Variants in RAI1 observed in about 807,000 individuals in gnomAD.
RAI1 encodes retinoic acid induced 1, also known as retinoic acid-induced protein 1.
A neutral mutation model predicts 123.8 loss-of-function variants in RAI1; 9 were observed. The observed-to-expected ratio is 0.07, with a 90% confidence interval of 0.04 to 0.13. The LOEUF is 0.13. Ranked by LOEUF, RAI1 falls within the 10% of genes least tolerant of loss-of-function variation. The pLI is 1.00. For synonymous variants in RAI1, 1,231 were observed against 1,127.3 expected (o/e 1.09, Z -1.84); for missense variants, 2,256 against 2,545.8 (o/e 0.89, Z 2.45).
At chr17:17,769,144 C>A (rs1011498749) in intron 2 of RAI1, among the ~76,000 whole-genome samples, 3 of 152,262 alleles carry the variant, frequency 2.0e-5, no homozygotes, top group African/African-American at 4.8e-5. Flanking sequence ...GAAATGATTT[C>A]TTGGCTCATG....
At position 17,798,118 on chromosome 17, in the gene RAI1, C is replaced by T. The variant is rs373198856; in HGVS notation, c.5170C>T (p.Arg1724Trp). Reference sequence around the variant, plus strand: ...GAAGCCAAAACTCAAGGAGAAGGTGCGGCCAGAAGGCACCTGTGAGGAGGC... The same window carrying T: ...GAAGCCAAAACTCAAGGAGAAGGTGTGGCCAGAAGGCACCTGTGAGGAGGC... ...KKKPKLKEKV[R>W]PEGTCEEASL... The change falls in exon 3 of 6, where the codon CGG becomes TGG. Residue 1724 changes from arginine (R) to tryptophan (W), a missense_variant. Around this residue, in one of 7 missense-constraint regions of RAI1, gnomAD observed 243 missense variants for 316.6 expected, o/e 0.77. Transcript: ENST00000353383. 65 of 1,613,752 alleles carry T rather than the reference C, an allele frequency of 4.0e-5. No homozygotes were observed. The highest frequency in any genetic ancestry group is 6.7e-5 in the Admixed American group (4 of 60,008).
rs201806644 is a variant in RAI1 at position 17,794,402 on chromosome 17, G to A, written c.1454G>A (p.Gly485Glu). The A allele has an allele frequency of 6.8e-6, 11 of 1,612,976 alleles. No homozygotes were observed. The highest frequency in any genetic ancestry group is 1.6e-4 in the Middle Eastern group (1 of 6,084). The change falls in exon 3 of 6, where the codon GGG (glycine) becomes GAG (glutamate). Residue 485 changes from glycine to glutamate, a missense_variant. Around this residue, in one of 7 missense-constraint regions of RAI1, gnomAD observed 357 missense variants for 480.2 expected, o/e 0.74. Coordinates refer to ENST00000353383, the MANE Select transcript of RAI1 (RefSeq NM_030665.4). ...QHKSQHCSPE[G>E]SGYSAEPAGT... Reference sequence around the variant, plus strand: ...AAAAGCCAGCACTGCAGCCCCGAAGGGAGCGGCTACTCAGCCGAGCCCGCA... The same window carrying A: ...AAAAGCCAGCACTGCAGCCCCGAAGAGAGCGGCTACTCAGCCGAGCCCGCA...
intron 2 of RAI1, among the ~76,000 whole-genome samples, chr17:17,738,342 G>A (rs1009541904): frequency 3.3e-5 from 5 of 150,942 alleles, no homozygotes; most frequent in African/African-American, 9.8e-5. Flanking sequence ...CGGGCTGGCT[G>A]GCGGCAGGCC....
At chr17:17,733,989 A>G (rs1352229019) in intron 2 of RAI1, among the ~76,000 whole-genome samples, 1 of 152,102 alleles carries the variant, frequency 6.6e-6, no homozygotes, top group Non-Finnish European at 1.5e-5. Context: ...TTCGTCTTCC[A>G]CTGCTTGGTT....
At chr17:17,710,531 C>A (rs189382253) in intron 1 of RAI1, among the ~76,000 whole-genome samples, 3 of 152,214 alleles carry the variant, frequency 2.0e-5, no homozygotes, top group Non-Finnish European at 4.4e-5. Flanking sequence ...GGTGGCCTTT[C>A]GGCTGTTGCT....
At chr17:17,693,821 C>T (rs930544282) in intron 1 of RAI1, among the ~76,000 whole-genome samples, 1 of 152,228 alleles carries the variant, frequency 6.6e-6, no homozygotes, top group African/African-American at 2.4e-5. Context: ...GGCCATTGCT[C>T]TGGGCCAGAG....
At chr17:17,803,659 T>C in intron 3 of RAI1, 97 bp from the exon 4 acceptor site, 2 of 1,154,498 alleles carry the variant, frequency 1.7e-6, no homozygotes, top group Non-Finnish European at 2.6e-6. Flanking sequence ...GTGCTGGGAT[T>C]ACAGGCATGA....
intron 1 of RAI1, among the ~76,000 whole-genome samples, chr17:17,711,008 G>C (rs750104856): frequency 1.3e-4 from 20 of 152,320 alleles, no homozygotes; most frequent in Admixed American, 3.9e-4. Flanking sequence ...CCCCTCCCCT[G>C]CTCCCTTCTC....
At chr17:17,709,932 AGATG>A (rs2142903090) in intron 1 of RAI1, among the ~76,000 whole-genome samples, 1 of 152,318 alleles carries the variant, frequency 6.6e-6, no homozygotes, top group Admixed American at 6.5e-5. Context: ...GCACATTCCT[AGATG>A]CTAGCCCTGT....
chr17:17,750,689 C>CAAAAAAAAAAAAAAA (rs57637022), intron 2 of RAI1, among the ~76,000 whole-genome samples: 3 of 79,776 alleles, frequency 3.8e-5, no homozygotes, highest in African/African-American at 1.1e-4. Context: ...TACTCCGTCT[C>CAAAAAAAAAAAAAAA]AAAAAAAAAA....
chr17:17,713,096 C>G (rs1915613826), intron 1 of RAI1, among the ~76,000 whole-genome samples: 1 of 152,022 alleles, frequency 6.6e-6, no homozygotes, highest in South Asian at 2.1e-4. Context: ...CATGAATATA[C>G]CAAAACCCTG....
intron 2 of RAI1, among the ~76,000 whole-genome samples, chr17:17,728,131 G>T (rs1916153881): frequency 1.3e-5 from 2 of 152,040 alleles, no homozygotes; most frequent in African/African-American, 4.8e-5. Flanking sequence ...GGGGAAGGGA[G>T]GGTGCCCCCG....
chr17:17,690,113 C>T (rs1914786424), intron 1 of RAI1, among the ~76,000 whole-genome samples: 3 of 152,116 alleles, frequency 2.0e-5, no homozygotes, highest in Admixed American at 1.3e-4. Context: ...AGCCGGGCAC[C>T]GTGGCTCACG....
In RAI1 at chr17:17,724,016, G is replaced by C. The variant is rs1336439134; in HGVS notation, c.-148-12G>C. 3.6e-5 allele frequency: 5 copies of C among 140,268 alleles called. No individual in the cohort carries two copies. The highest frequency in any genetic ancestry group is 7.7e-5 in the Non-Finnish European group (5 of 64,588). 8.7% of individuals were successfully genotyped at this position (140,268 alleles called of 1,614,324 possible). A position where few individuals can be genotyped will look rare whatever the true frequency, so the allele number is the denominator to read the frequency against. On this transcript the variant is annotated splice_polypyrimidine_tract_variant and intron_variant, in intron 1 of 5. Coordinates refer to ENST00000353383, the MANE Select transcript of RAI1 (RefSeq NM_030665.4). ...AGGATTCGTGCGAGCGCTCACATTT[G>C]TTTCTCCCAAGGATCTCATCTGGCC...
chr17:17,729,527 G>A (rs1226885170), intron 2 of RAI1, among the ~76,000 whole-genome samples: 4 of 152,316 alleles, frequency 2.6e-5, no homozygotes, highest in East Asian at 1.9e-4. Flanking sequence ...AAGTGAGATC[G>A]CTGGCCACGA....
intron 2 of RAI1, among the ~76,000 whole-genome samples, chr17:17,736,511 G>A (rs1314517836): frequency 2.0e-5 from 3 of 152,234 alleles, no homozygotes; most frequent in Non-Finnish European, 1.5e-5. Context: ...AGAAGGAAGT[G>A]GGTCTTTGTG....
intron 2 of RAI1, among the ~76,000 whole-genome samples, chr17:17,756,022 G>A (rs2030424379): frequency 6.6e-6 from 1 of 152,206 alleles, no homozygotes; most frequent in African/African-American, 2.4e-5. Context: ...TAGCCACCAT[G>A]GAAAGCCAGG....
At chr17:17,766,559 G>T (rs2030941455) in intron 2 of RAI1, among the ~76,000 whole-genome samples, 1 of 152,214 alleles carries the variant, frequency 6.6e-6, no homozygotes, top group Non-Finnish European at 1.5e-5. Flanking sequence ...CTGGGCGTCA[G>T]CACTGGGGCG....
chr17:17,689,937 C>G (rs1914780125), intron 1 of RAI1, among the ~76,000 whole-genome samples: 1 of 152,118 alleles, frequency 6.6e-6, no homozygotes, highest in Non-Finnish European at 1.5e-5. Flanking sequence ...GGTGCCAAAG[C>G]CCCCCAACTC....
Sources: allele counts gnomAD v4.1 joint callset (sites outside exome capture counted in the v4.1 genomes callset), GRCh38; gene constraint gnomAD v4.1.1; regional missense constraint gnomAD v4.1.1; transcripts MANE v1.5; gene names NCBI Gene and HGNC (gene_info 2026-07-23, HGNC 2026-07-21).